The following AQP1 variants were observed in gnomAD, a reference collection of about 807,000 sequenced individuals.
AQP1 encodes aquaporin 1 (Colton blood group), also known as aquaporin-1.
A neutral mutation model predicts 19.7 loss-of-function variants in AQP1; 11 were observed. The ratio of observed to expected loss-of-function variants is 0.56; its 90% CI spans 0.35 to 0.92. The LOEUF is 0.92. AQP1 is among the 40% of genes least tolerant of loss of function. The probability of loss-of-function intolerance (pLI) is 0.01; values close to 1 mark genes in which losing one functional copy is unlikely to be tolerated. For synonymous variants in AQP1, 159 were observed against 166.7 expected (o/e 0.95, Z 0.36); for missense variants, 320 against 369.7 (o/e 0.87, Z 1.10).
chr7:30,922,378 G>A, intron 2 of AQP1, 148 bp downstream of exon 2: 1 of 1,384,774 alleles, frequency 7.2e-7, no homozygotes, highest in Non-Finnish European at 9.9e-7. Flanking sequence ...CTGGGGGCAG[G>A]GTCCTGCCCT....
chr7:30,917,823 T>G (rs961490581), intron 1 of AQP1, among the ~76,000 whole-genome samples: 15 of 152,208 alleles, frequency 9.9e-5, no homozygotes, highest in African/African-American at 3.6e-4. Context: ...ATTGGTAGTT[T>G]TCGGCTGCTT....
chr7:30,921,891 T>A, intron 1 of AQP1, 175 bp from the exon 2 acceptor site: 1 of 1,526,656 alleles, frequency 6.6e-7, no homozygotes, highest in South Asian at 1.2e-5. Flanking sequence ...GTTCAAGGCC[T>A]GATTTCCACT....
chr7:30,921,810 T>C (rs1791507572), intron 1 of AQP1: 2 of 1,550,456 alleles, frequency 1.3e-6, no homozygotes, highest in Non-Finnish European at 1.7e-6. Context: ...CTCCAGCTTC[T>C]AGGCAGAGTG....
Position 30,912,589 on chromosome 7 carries a change from G to C in AQP1, c.384+296G>C, listed in dbSNP as rs188771087. 1.7e-3 allele frequency among the ~76,000 whole-genome samples: 263 copies of C among 152,296 alleles called. 1 individual carries two copies. The highest frequency in any genetic ancestry group is 5.0e-3 in the Admixed American group (77 of 15,296). ...GAATAAGCTTGGCCAGCAGTTCCTC[G>C]CCCCTTGGCTGTAGCTTTTTGGCCC... On this transcript the variant is annotated intron_variant, in intron 1 of 3. Coordinates refer to ENST00000311813, the MANE Select transcript of AQP1 (RefSeq NM_198098.4). This position sits in a 1 kb window ranked among gnomAD's most constrained non-coding sequence, Gnocchi z 4.3.
At chr7:30,913,575 C>T (rs1001536983) in intron 1 of AQP1, among the ~76,000 whole-genome samples, 2 of 152,150 alleles carry the variant, frequency 1.3e-5, no homozygotes, top group African/African-American at 2.4e-5. Context: ...TGTCCTCTCG[C>T]TTCCCAGCCA....
rs1791633498 is a variant in AQP1 at position 30,924,738 on chromosome 7, G to A, written c.*1109G>A. The A allele has an allele frequency of 6.6e-6, 1 of 152,230 alleles. No homozygotes were observed. The highest frequency in any genetic ancestry group is 2.1e-4 in the South Asian group (1 of 4,834). 9.4% of individuals were successfully genotyped at this position (152,230 alleles called of 1,614,324 possible). The stretch of plus-strand genomic sequence containing the variant: ...CCCATGGAGGCAGATGCCCTTGCTG[G>A]GCCTGGGGGTTTTCCAAGCCCTCAG... On this transcript the variant is annotated 3_prime_UTR_variant, in exon 4 of 4. Transcript: ENST00000311813.
At position 30,922,612 on chromosome 7, in the gene AQP1, G is replaced by A. The variant is rs747249467; in HGVS notation, c.598G>A (p.Ala200Thr). ...TAACCCTGCTCGGTCCTTTGGCTCC[G>A]CGGTGATCACACACAACTTCAGCAA... The part of the protein sequence containing the change: ...GINPARSFGS[A>T]VITHNFSNHW... The change falls in exon 3 of 4, where the codon GCG becomes ACG. Residue 200 changes from alanine (A) to threonine (T), a missense_variant. Ala to Thr is a moderately conservative substitution (Grantham distance 58). Coordinates refer to ENST00000311813, the MANE Select transcript of AQP1 (RefSeq NM_198098.4). 152 of 1,613,944 alleles carry A rather than the reference G, an allele frequency of 9.4e-5. No individual in the cohort carries two copies. The highest frequency in any genetic ancestry group is 2.7e-5 in the African/African-American group (2 of 74,878).
rs551946007 is a variant in AQP1, at chr7:30,921,625, G to A, written c.385-441G>A. The A allele has an allele frequency of 2.5e-5, 38 of 1,550,682 alleles. No individual in the cohort carries two copies. The African/African-American group carries it at 3.6e-4, about 15-fold the overall frequency. On this transcript the variant is annotated intron_variant, in intron 1 of 3. Coordinates refer to ENST00000311813, the MANE Select transcript of AQP1 (RefSeq NM_198098.4). ...GGGGTGGAATGTTCTGGACTTTTGG[G>A]TATGAAGCCGTGTCCCCTGCTGGGC...
At chr7:30,913,188 T>C (rs150949129) in intron 1 of AQP1, 1 of 152,324 alleles carries the variant, frequency 6.6e-6, no homozygotes, top group East Asian at 1.9e-4. Context: ...GGTGACTGGG[T>C]GGCAGCTGTG....
Position 30,912,227 on chromosome 7 carries a change from C to T in AQP1, c.318C>T (p.Ile106=), listed in dbSNP as rs375712827. 1.6e-5 allele frequency: 25 copies of T among 1,609,414 alleles called. No homozygotes were observed. The African/African-American group carries it at 1.9e-4, about 12-fold the overall frequency. ...TCATCGCCCAGTGCGTGGGGGCCAT[C>T]GTCGCCACCGCCATCCTCTCAGGCA... ...MYIIAQCVGA[I]VATAILSGIT... is the part of the protein sequence containing the mutation. Residue 106 remains isoleucine, a synonymous_variant, in exon 1 of 4, where the codon ATC becomes ATT. Transcript: ENST00000311813. This position sits in a 1 kb window ranked among gnomAD's most constrained non-coding sequence, Gnocchi z 4.3.
At chr7:30,913,711 T>C (rs1791230187) in intron 1 of AQP1, among the ~76,000 whole-genome samples, 1 of 152,116 alleles carries the variant, frequency 6.6e-6, no homozygotes, top group Admixed American at 6.5e-5. Flanking sequence ...TCACCCAACC[T>C]CCTCTGCAGC....
intron 1 of AQP1, among the ~76,000 whole-genome samples, chr7:30,913,956 C>T (rs564529525): frequency 5.7e-4 from 86 of 152,118 alleles, no homozygotes; most frequent in African/African-American, 7.7e-4. Context: ...GCTGGGGGAG[C>T]GTCCCTGTAG....
chr7:30,922,060 C>A lies in AQP1; in HGVS notation c.385-6C>A. The A allele has an allele frequency of 6.2e-7, 1 of 1,613,848 alleles. No homozygotes were observed. The highest frequency in any genetic ancestry group is 8.5e-7 in the Non-Finnish European group (1 of 1,180,020). Reference sequence around the variant, plus strand: ...CACCAGTCCTCACCACCTCTCTCCCCTGCAGCTGGCTGATGGTGTGAACTC... The same window carrying A: ...CACCAGTCCTCACCACCTCTCTCCCATGCAGCTGGCTGATGGTGTGAACTC... On this transcript the variant is annotated splice_polypyrimidine_tract_variant and splice_region_variant and intron_variant, in intron 1 of 3. Coordinates refer to ENST00000311813, the MANE Select transcript of AQP1 (RefSeq NM_198098.4).
rs1791226161 is a variant in AQP1 at position 30,913,543 on chromosome 7, G to A, written c.384+1250G>A. Among the ~76,000 whole-genome samples, 3 of 152,106 alleles carry A rather than the reference G, an allele frequency of 2.0e-5. No individual in the cohort carries two copies. The South Asian group carries it at 6.2e-4, about 31-fold the overall frequency. On this transcript the variant is annotated intron_variant, in intron 1 of 3. Transcript: ENST00000311813. ...CCATCTCTGAGGGCGCCTCAGAGATGGCAGATAGTGATTACAGCAGCTGTC... is the reference window on the plus strand; with the variant it reads ...CCATCTCTGAGGGCGCCTCAGAGATAGCAGATAGTGATTACAGCAGCTGTC...
chr7:30,917,536 G>A (rs941764591), intron 1 of AQP1, among the ~76,000 whole-genome samples: 2 of 152,162 alleles, frequency 1.3e-5, no homozygotes, highest in Non-Finnish European at 2.9e-5. Flanking sequence ...AGCTGGTAGT[G>A]GCAGCTATGT....
rs1791643715 is a variant in AQP1, at chr7:30,925,046, T to C, written c.*1417T>C. 1 of 152,298 alleles carries C rather than the reference T, an allele frequency of 6.6e-6. No homozygotes were observed. The allele number at this position is 152,298 out of a possible 1,614,324, so 9.4% of individuals were successfully genotyped here. A position where few individuals can be genotyped will look rare whatever the true frequency, so the allele number is the denominator to read the frequency against. On this transcript the variant is annotated 3_prime_UTR_variant, in exon 4 of 4. Transcript: ENST00000311813. ...CCAGAGCAGCTCCACCACTGTGCAC[T>C]TAGCCATGATGGCAACAGAAACCAA...
rs1337448707 is a variant in AQP1, at chr7:30,923,567, G to C, written c.748G>C (p.Val250Leu). Residue 250 changes from valine (V) to leucine (L), a missense_variant, in exon 4 of 4, where the codon GTG (valine) becomes CTG (leucine). Transcript: ENST00000311813. The surrounding 1 kb of genome is among the most constrained non-coding windows in gnomAD (Gnocchi z 4.8). ...CGTGAAGGTGTGGACCAGCGGCCAGGTGGAGGAGTATGACCTGGATGCCGA... is the reference window on the plus strand; with the variant it reads ...CGTGAAGGTGTGGACCAGCGGCCAGCTGGAGGAGTATGACCTGGATGCCGA... ...DRVKVWTSGQ[V>L]EEYDLDADDI... The C allele has an allele frequency of 6.2e-7, 1 of 1,613,982 alleles. No individual in the cohort carries two copies. The highest frequency in any genetic ancestry group is 1.7e-5 in the Admixed American group (1 of 60,004).
Position 30,925,362 on chromosome 7 carries a change from T to A in AQP1, c.*1733T>A, listed in dbSNP as rs1224020928. 1 of 151,888 alleles carries A rather than the reference T, an allele frequency of 6.6e-6. No individual in the cohort carries two copies. Among genetic ancestry groups the A allele is most frequent in the Non-Finnish European group, 1.5e-5 (1 of 68,036 alleles). 9.4% of individuals were successfully genotyped at this position (151,888 alleles called of 1,614,324 possible). On this transcript the variant is annotated 3_prime_UTR_variant, in exon 4 of 4. Coordinates refer to ENST00000311813, the MANE Select transcript of AQP1 (RefSeq NM_198098.4). ...GGCCAGGGGCCAGGAGTGGGGAGAGTTGTGATGGAGGGGAGAGGGGTCACA... is the reference window on the plus strand; with the variant it reads ...GGCCAGGGGCCAGGAGTGGGGAGAGATGTGATGGAGGGGAGAGGGGTCACA...
At chr7:30,919,123 G>T (rs572754303) in intron 1 of AQP1, among the ~76,000 whole-genome samples, 1 of 152,326 alleles carries the variant, frequency 6.6e-6, no homozygotes, top group East Asian at 1.9e-4. Flanking sequence ...TAGAAAATTA[G>T]CATTCTCTGC....
Sources: gnomAD v4.1 joint callset for allele counts (sites outside exome capture counted in the v4.1 genomes callset) on GRCh38, gnomAD v4.1.1 for gene constraint, Gnocchi (gnomAD v3.1) non-coding constraint, MANE v1.5 for transcripts, NCBI Gene and HGNC (gene_info 2026-07-23, HGNC 2026-07-21) for gene names.